CUX1: variants seen among roughly 807,000 people sequenced by gnomAD.
The protein encoded by CUX1 is cut like homeobox 1.
CUX1 carries 31 observed loss-of-function variants against 158.8 expected under a neutral mutation model. The ratio of observed to expected loss-of-function variants is 0.20; its 90% confidence interval spans 0.15 to 0.26. The LOEUF is 0.26. CUX1 is among the 10% of genes least tolerant of loss of function. The pLI is 1.00. For missense variants in CUX1, 1,589 were observed against 2,014.6 expected (o/e 0.79, Z 4.04); for synonymous variants, 879 against 862.1 (o/e 1.02, Z -0.34).
intron 8 of CUX1, among the ~76,000 whole-genome samples, chr7:102,132,168 G>A (rs1227995253): frequency 2.6e-5 from 4 of 151,324 alleles, no homozygotes; most frequent in African/African-American, 4.9e-5. Context: ...ATGGGCGGGT[G>A]GATAGATGGA....
chr7:101,935,284 T>A lies in CUX1; in HGVS notation c.141+19059T>A, dbSNP rs546324958. On this transcript the variant is annotated intron_variant, in intron 2 of 23. Coordinates refer to ENST00000292535, the MANE Select transcript of CUX1 (RefSeq NM_181552.4). ...AACCCCTTTTGACTGTAATTTTCCT[T>A]TACCTACCCAAATCCTATAAAACGG... Among the ~76,000 whole-genome samples the A allele has an allele frequency of 2.2e-3, 338 of 152,282 alleles. 2 individuals are homozygous for A. Among genetic ancestry groups the A allele is most frequent in the African/African-American group, 7.5e-3 (313 of 41,532 alleles).
chr7:101,877,952 G>T (rs1799330801), intron 1 of CUX1, among the ~76,000 whole-genome samples: 1 of 152,266 alleles, frequency 6.6e-6, no homozygotes, highest in South Asian at 2.1e-4. Flanking sequence ...GGGGGAAGCC[G>T]ATTTGCAGGA....
rs1253557210 is a variant in CUX1 at position 102,248,989 on chromosome 7, C to T, written c.4465C>T (p.His1489Tyr). ...KKAANLNSII[H>Y]RLEKAASREE... ...GGCCGCGAACTTGAACAGCATCATCCACCGCCTGGAGAAGGCCGCCAGCCG... is the reference window on the plus strand; with the variant it reads ...GGCCGCGAACTTGAACAGCATCATCTACCGCCTGGAGAAGGCCGCCAGCCG... Residue 1489 changes from histidine to tyrosine, a missense_variant, in exon 24 of 24, where the codon CAC (histidine) becomes TAC (tyrosine). Physicochemically the swap from His to Tyr is moderately conservative, Grantham distance 83. This residue lies in a region of CUX1 where 344 missense variants were observed against 323.7 expected (regional missense o/e 1.06). Coordinates refer to ENST00000292535, the MANE Select transcript of CUX1 (RefSeq NM_181552.4). The surrounding 1 kb of genome is among the most constrained non-coding windows in gnomAD (Gnocchi z 5.8). 1.4e-6 allele frequency: 2 copies of T among 1,431,750 alleles called. No individual in the cohort carries two copies. The highest frequency in any genetic ancestry group is 1.8e-6 in the Non-Finnish European group (2 of 1,082,084). The allele number at this position is 1,431,750 out of a possible 1,614,324, so 88.7% of individuals were successfully genotyped here.
At chr7:102,272,141 T>A (rs1360885420) in intron 14 of CUX1, among the ~76,000 whole-genome samples, 1 of 152,236 alleles carries the variant, frequency 6.6e-6, no homozygotes, top group Non-Finnish European at 1.5e-5. Flanking sequence ...TCGGGAAGCC[T>A]CCGTTCTTTG....
intron 2 of CUX1, among the ~76,000 whole-genome samples, chr7:101,937,254 G>T (rs1807055813): frequency 6.6e-6 from 1 of 152,186 alleles, no homozygotes; most frequent in African/African-American, 2.4e-5. Flanking sequence ...AAAGACATTA[G>T]CTCCTGGAGG....
intron 1 of CUX1, among the ~76,000 whole-genome samples, chr7:101,864,661 C>T (rs1797771112): frequency 6.6e-6 from 1 of 152,194 alleles, no homozygotes; most frequent in Non-Finnish European, 1.5e-5. Flanking sequence ...AGCAATTCTC[C>T]TGTCTCAGCC....
intron 10 of CUX1, among the ~76,000 whole-genome samples, chr7:102,176,387 G>A (rs994250377): frequency 4.6e-5 from 7 of 152,024 alleles, no homozygotes; most frequent in Non-Finnish European, 8.8e-5. Flanking sequence ...TCAGAGGGGG[G>A]ACAGCGGCAA....
intron 1 of CUX1, among the ~76,000 whole-genome samples, chr7:101,820,150 G>A (rs1792309927): frequency 6.6e-6 from 1 of 152,146 alleles, no homozygotes; most frequent in Admixed American, 6.5e-5. Context: ...CCACTCCTGA[G>A]GCTGTACTCA....
At chr7:101,958,370 TGCA>T (rs10564479) in intron 2 of CUX1, among the ~76,000 whole-genome samples, 124,986 of 150,962 alleles carry the variant, frequency 0.83, 52,041 homozygotes, top group African/African-American at 0.86. Context: ...GGCCTGAAGC[TGCA>T]GCAGCAGCAG....
intron 11 of CUX1, among the ~76,000 whole-genome samples, chr7:102,181,831 G>A (rs1359705693): frequency 6.6e-6 from 1 of 152,204 alleles, no homozygotes; most frequent in East Asian, 1.9e-4. Flanking sequence ...GATATGTTCT[G>A]AGGGCTTTTT....
rs1161255322 is a variant in CUX1, at chr7:102,126,600, A to G, written c.674+11327A>G. ...GTTTAGCACACCTAACCTAAATGTC[A>G]TAGCTTAGCCTCGCCTATTTTAAGC... On this transcript the variant is annotated intron_variant, in intron 8 of 23. Coordinates refer to ENST00000292535, the MANE Select transcript of CUX1 (RefSeq NM_181552.4). 2.6e-5 allele frequency among the ~76,000 whole-genome samples: 4 copies of G among 152,144 alleles called. No individual in the cohort carries two copies. In the South Asian group the frequency reaches 6.2e-4, roughly 24 times the overall value.
intron 8 of CUX1, among the ~76,000 whole-genome samples, chr7:102,122,530 T>C (rs782234109): frequency 7.9e-5 from 12 of 152,290 alleles, no homozygotes; most frequent in Non-Finnish European, 4.4e-5. Context: ...ATTTTCCTTG[T>C]CTTTTGTAGT....
chr7:101,994,922 T>C (rs1449383917), intron 2 of CUX1, among the ~76,000 whole-genome samples: 2 of 128,972 alleles, frequency 1.6e-5, no homozygotes, highest in African/African-American at 6.0e-5. Context: ...AGATCTCATC[T>C]CTACAAAAAA....
At position 102,254,231 on chromosome 7, in the gene CUX1, C is replaced by T; in HGVS notation, c.*5189C>T. On this transcript the variant is annotated 3_prime_UTR_variant, in exon 24 of 24. Transcript: ENST00000292535. Reference sequence around the variant, plus strand: ...AGGGTCTTGTCTTTGGTCCGCCTTCCTTTCTGTCCAGTCCTGCTCAGCTGT... The same window carrying T: ...AGGGTCTTGTCTTTGGTCCGCCTTCTTTTCTGTCCAGTCCTGCTCAGCTGT... 15 of 985,496 alleles carry T rather than the reference C, an allele frequency of 1.5e-5. No homozygotes were observed. The highest frequency in any genetic ancestry group is 1.8e-5 in the Non-Finnish European group (15 of 830,000). The allele number at this position is 985,496 out of a possible 1,614,324, so 61.0% of individuals were successfully genotyped here. A position where few individuals can be genotyped will look rare whatever the true frequency, so the allele number is the denominator to read the frequency against.
intron 20 of CUX1, among the ~76,000 whole-genome samples, chr7:102,215,173 G>A (rs2132188252): frequency 6.7e-6 from 1 of 149,484 alleles, no homozygotes; most frequent in East Asian, 2.0e-4. Flanking sequence ...ATGTGGAAAA[G>A]ACAGTCAATG....
chr7:101,976,595 CT>C (rs1292617967), intron 2 of CUX1, among the ~76,000 whole-genome samples: 1 of 152,172 alleles, frequency 6.6e-6, no homozygotes, highest in East Asian at 1.9e-4. Context: ...CCACTCTCCT[CT>C]TTCTCATAAC....
chr7:102,125,272 C>T (rs367564415), intron 8 of CUX1, among the ~76,000 whole-genome samples: 82 of 152,276 alleles, frequency 5.4e-4, no homozygotes, highest in South Asian at 5.4e-3. Context: ...CCAATGAGGA[C>T]GTTTGCGCTC....
Position 102,227,374 on chromosome 7 carries a change from T to G in CUX1, c.3138T>G (p.Thr1046=). 1 of 1,605,702 alleles carries G rather than the reference T, an allele frequency of 6.2e-7. No individual in the cohort carries two copies. Among genetic ancestry groups the G allele is most frequent in the Admixed American group, 1.7e-5 (1 of 59,802 alleles). ...CGTGTGCTTTAATTACAGAAAGCAC[T>G]CCAAAGACCTCCGCCAGCTGCAGCC... ...LQQGCVSSES[T]PKTSASCSPA... The change falls in exon 21 of 24, where the codon ACT becomes ACG. Residue 1046 remains threonine (T), a synonymous_variant. Coordinates refer to ENST00000292535, the MANE Select transcript of CUX1 (RefSeq NM_181552.4).
intron 1 of CUX1, among the ~76,000 whole-genome samples, chr7:101,901,486 G>C (rs1584927956): frequency 6.6e-6 from 1 of 152,108 alleles, no homozygotes; most frequent in Non-Finnish European, 1.5e-5. Context: ...ATAGAGACAG[G>C]GTTTTGCCAT....
Sources: allele counts gnomAD v4.1 joint callset (sites outside exome capture counted in the v4.1 genomes callset), GRCh38; gene constraint gnomAD v4.1.1; regional missense constraint gnomAD v4.1.1; non-coding constraint Gnocchi (gnomAD v3.1); transcripts MANE v1.5; gene names NCBI Gene and HGNC (gene_info 2026-07-23, HGNC 2026-07-21).